Variants in TFDP2 observed in about 807,000 individuals in gnomAD.
TFDP2 encodes transcription factor Dp-2.
TFDP2 carries 17 observed loss-of-function variants against 59.3 expected under a neutral mutation model. The observed-to-expected ratio is 0.29, with a 90% CI of 0.20 to 0.43. The LOEUF (loss-of-function observed/expected upper bound fraction) is 0.43. Ranked by LOEUF, TFDP2 falls within the 20% of genes least tolerant of loss-of-function variation. The pLI is 1.00. For synonymous variants in TFDP2, 180 were observed against 194.7 expected (o/e 0.92, Z 0.63); for missense variants, 391 against 528.8 (o/e 0.74, Z 2.56).
At chr3:142,107,051 T>C (rs1378992657) in intron 1 of TFDP2, among the ~76,000 whole-genome samples, 3 of 152,146 alleles carry the variant, frequency 2.0e-5, no homozygotes, top group African/African-American at 7.2e-5. Flanking sequence ...TTTAAATACA[T>C]GCTCATGACT....
intron 3 of TFDP2, among the ~76,000 whole-genome samples, chr3:142,010,237 A>G (rs1944550341): frequency 1.3e-5 from 2 of 152,242 alleles, no homozygotes; most frequent in African/African-American, 4.8e-5. Context: ...CAATACTCCC[A>G]TATAAAAATA....
intron 3 of TFDP2, among the ~76,000 whole-genome samples, chr3:142,065,511 T>G (rs568964755): frequency 2.9e-4 from 43 of 149,382 alleles, no homozygotes; most frequent in Non-Finnish European, 3.4e-4. Flanking sequence ...TGTGTGTGGG[T>G]GTGTGTGTGT....
intron 3 of TFDP2, among the ~76,000 whole-genome samples, chr3:142,044,953 T>TATA (rs1181278271): frequency 6.6e-6 from 1 of 152,168 alleles, no homozygotes; most frequent in Non-Finnish European, 1.5e-5. Flanking sequence ...TTATTATTAT[T>TATA]ATAATTGCTG....
chr3:142,011,357 G>A (rs1473157115), intron 3 of TFDP2, among the ~76,000 whole-genome samples: 1,448 of 136,714 alleles, frequency 0.011, 21 homozygotes, highest in African/African-American at 0.037. Flanking sequence ...ACCAAACACC[G>A]CATATTCTCA....
At position 141,947,090 on chromosome 3, in the gene TFDP2, G is replaced by C. The variant is rs1935331868; in HGVS notation, c.*5423C>G. On this transcript the variant is annotated 3_prime_UTR_variant, in exon 13 of 13. Transcript: ENST00000489671. The stretch of plus-strand genomic sequence containing the variant: ...TCTTCTTAGTAACCATGTTTGGCTT[G>C]AGTGGAAATTTAATCAAACACTGTT... 1 of 152,236 alleles carries C rather than the reference G, an allele frequency of 6.6e-6. No homozygotes were observed. The highest frequency in any genetic ancestry group is 6.6e-5 in the Admixed American group (1 of 15,266). The allele number at this position is 152,236 out of a possible 1,614,324, so 9.4% of individuals were successfully genotyped here. A position where few individuals can be genotyped will look rare whatever the true frequency, so the allele number is the denominator to read the frequency against.
chr3:142,023,695 A>C (rs1425059271), intron 3 of TFDP2, among the ~76,000 whole-genome samples: 2 of 152,230 alleles, frequency 1.3e-5, no homozygotes, highest in Non-Finnish European at 2.9e-5. Context: ...ATTCTACTTG[A>C]GGGCTATTAC....
At chr3:141,973,123 A>ATATATATATATATATTTTTTT in intron 8 of TFDP2, among the ~76,000 whole-genome samples, 3 of 58,028 alleles carry the variant, frequency 5.2e-5, no homozygotes, top group Non-Finnish European at 1.1e-4. Flanking sequence ...ATATATATAT[A>ATATATATATATATATTTTTTT]TTTTTTTTTT....
At chr3:142,059,094 C>T (rs1461977299) in intron 3 of TFDP2, among the ~76,000 whole-genome samples, 1 of 152,190 alleles carries the variant, frequency 6.6e-6, no homozygotes, top group Admixed American at 6.5e-5. Flanking sequence ...TTTTATTATA[C>T]ACATTGATAT....
At chr3:141,975,939 G>A (rs1940577254) in intron 7 of TFDP2, among the ~76,000 whole-genome samples, 1 of 151,972 alleles carries the variant, frequency 6.6e-6, no homozygotes, top group Non-Finnish European at 1.5e-5. Flanking sequence ...GGAGTGCAGT[G>A]GTGAGATCTC....
At chr3:142,027,641 A>G (rs891198843) in intron 3 of TFDP2, among the ~76,000 whole-genome samples, 1 of 152,232 alleles carries the variant, frequency 6.6e-6, no homozygotes, top group African/African-American at 2.4e-5. Flanking sequence ...AAGAATGACT[A>G]AATGCTATTA....
At chr3:142,002,317 GTTT>G (rs750047190) in intron 4 of TFDP2, among the ~76,000 whole-genome samples, 10 of 106,856 alleles carry the variant, frequency 9.4e-5, no homozygotes, top group Non-Finnish European at 1.5e-4. Context: ...TATTTTTAGT[GTTT>G]TTTTTTTTTT....
chr3:142,112,356 A>C (rs1009816233), intron 1 of TFDP2, among the ~76,000 whole-genome samples: 1 of 152,220 alleles, frequency 6.6e-6, no homozygotes, highest in African/African-American at 2.4e-5. Context: ...AGAAATAAGA[A>C]AAACAAAAAA....
At chr3:141,990,687 G>A (rs1464710105) in intron 6 of TFDP2, among the ~76,000 whole-genome samples, 1 of 152,066 alleles carries the variant, frequency 6.6e-6, no homozygotes, top group Non-Finnish European at 1.5e-5. Flanking sequence ...AGAGGGTCTT[G>A]GTGTTTGAAA....
At chr3:142,039,584 C>G (rs55778028) in intron 3 of TFDP2, among the ~76,000 whole-genome samples, 8,639 of 152,108 alleles carry the variant, frequency 0.057, 305 homozygotes, top group Middle Eastern at 0.11. Flanking sequence ...CCTCATTGGC[C>G]CAGGATTCTG....
rs543684015 is a variant in TFDP2, at chr3:141,946,714, T to C, written c.*5799A>G. ...AGAAACGTTATAATTTATGTGGGTA[T>C]TGAGCTTGAATTTTTTTTAATCATA... is the stretch of plus-strand genomic sequence containing the variant. On this transcript the variant is annotated 3_prime_UTR_variant, in exon 13 of 13. Coordinates refer to ENST00000489671, the MANE Select transcript of TFDP2 (RefSeq NM_001178139.2). 6.6e-6 allele frequency: 1 copy of C among 152,300 alleles called. No individual in the cohort carries two copies. Among genetic ancestry groups the C allele is most frequent in the South Asian group, 2.1e-4 (1 of 4,818 alleles). 9.4% of individuals were successfully genotyped at this position (152,300 alleles called of 1,614,324 possible). A position where few individuals can be genotyped will look rare whatever the true frequency, so the allele number is the denominator to read the frequency against.
At chr3:142,122,386 C>A (rs58002975) in intron 1 of TFDP2, among the ~76,000 whole-genome samples, 4 of 152,022 alleles carry the variant, frequency 2.6e-5, no homozygotes, top group African/African-American at 9.7e-5. Flanking sequence ...AATTTAGAAA[C>A]CTATCTCTAA....
chr3:141,983,085 G>A (rs1167019718), intron 6 of TFDP2, among the ~76,000 whole-genome samples: 1 of 152,108 alleles, frequency 6.6e-6, no homozygotes, highest in Non-Finnish European at 1.5e-5. Flanking sequence ...TTCAACAATG[G>A]CTGGATCAAG....
At chr3:142,033,559 G>A (rs2108419038) in intron 3 of TFDP2, among the ~76,000 whole-genome samples, 1 of 152,172 alleles carries the variant, frequency 6.6e-6, no homozygotes, top group Non-Finnish European at 1.5e-5. Flanking sequence ...ACGTGGCGAG[G>A]GATCTATAGG....
intron 3 of TFDP2, among the ~76,000 whole-genome samples, chr3:142,078,107 A>T (rs1186425313): frequency 6.6e-6 from 1 of 152,064 alleles, no homozygotes; most frequent in African/African-American, 2.4e-5. Flanking sequence ...GAAAGGGGAG[A>T]GAAGAGTGAG....
Sources: gnomAD v4.1 joint callset for allele counts (sites outside exome capture counted in the v4.1 genomes callset) on GRCh38, gnomAD v4.1.1 for gene constraint, MANE v1.5 for transcripts, NCBI Gene and HGNC (gene_info 2026-07-23, HGNC 2026-07-21) for gene names.